The following POTEM variants were observed in gnomAD, a reference collection of about 807,000 sequenced individuals.
The protein encoded by POTEM is POTE ankyrin domain family member M.
For missense variants in POTEM, 24 were observed against 343.0 expected (o/e 0.07, Z 7.35); for synonymous variants, 8 against 113.2 (o/e 0.07, Z 5.90).
intron 1 of POTEM, among the ~76,000 whole-genome samples, chr14:18,969,321 A>ATATATATG (rs1890847932): frequency 9.7e-6 from 1 of 103,448 alleles, no homozygotes; most frequent in Non-Finnish European, 1.8e-5. Flanking sequence ...ATATATGTAT[A>ATATATATG]TATATATATA....
At chr14:18,968,235 A>G (rs1890809104) in intron 1 of POTEM, among the ~76,000 whole-genome samples, 1 of 152,390 alleles carries the variant, frequency 6.6e-6, no homozygotes, top group Non-Finnish European at 1.5e-5. Flanking sequence ...TAGAACACTA[A>G]TAGACTGTTT....
intron 1 of POTEM, among the ~76,000 whole-genome samples, chr14:18,968,397 A>G (rs1374592510): frequency 6.6e-6 from 1 of 152,294 alleles, no homozygotes; most frequent in African/African-American, 2.4e-5. Context: ...TATTCTTCAA[A>G]TAAAATCCAG....
intron 3 of POTEM, 80 bp from the exon 4 acceptor site, chr14:18,975,969 C>CT: frequency 2.1e-5 from 2 of 94,564 alleles, no homozygotes; most frequent in Non-Finnish European, 4.9e-5. Flanking sequence ...TCCATAAGAT[C>CT]TTATATAAAG....
chr14:18,975,766 T>TA (rs1385977817), intron 3 of POTEM, among the ~76,000 whole-genome samples: 1 of 64,416 alleles, frequency 1.6e-5, no homozygotes, highest in Non-Finnish European at 3.4e-5. Context: ...CATCCAATAA[T>TA]ACCATATCAA....
At chr14:18,969,278 T>C (rs1890841140) in intron 1 of POTEM, among the ~76,000 whole-genome samples, 2 of 131,178 alleles carry the variant, frequency 1.5e-5, no homozygotes, top group African/African-American at 6.1e-5. Flanking sequence ...TATGCAGATA[T>C]ATATACACAT....
At chr14:18,980,542 G>C (rs796926497) in intron 6 of POTEM, 2,507 of 76,134 alleles carry the variant, frequency 0.033, 12 homozygotes, top group Middle Eastern at 0.073. Flanking sequence ...ACTGATCTGA[G>C]TGGAGGCAGA....
At chr14:18,978,522 TTTC>T (rs1428875445) in intron 5 of POTEM, 1 of 35,680 alleles carries the variant, frequency 2.8e-5, no homozygotes, top group Non-Finnish European at 5.2e-5. Flanking sequence ...TCAGTGTTTG[TTTC>T]TTCTTCTTTG....
chr14:18,977,280 T>G (rs1890982273), intron 4 of POTEM, 186 bp from the exon 5 acceptor site: 1 of 1,237,818 alleles, frequency 8.1e-7, no homozygotes, highest in African/African-American at 1.6e-5. Flanking sequence ...TTTTTTTTTT[T>G]TGTCCCTTCC....
chr14:18,985,732 C>T (rs1395509313), intron 7 of POTEM, among the ~76,000 whole-genome samples: 1,034 of 133,922 alleles, frequency 7.7e-3, no homozygotes, highest in African/African-American at 0.029. Context: ...GATGAAACCC[C>T]GTCTCTACTA....
rs1166821749 is a variant in POTEM, at chr14:18,970,751, AT to A, written c.522-2007del. Among the ~76,000 whole-genome samples, 2 of 54,246 alleles carry A rather than the reference AT, an allele frequency of 3.7e-5. 1 individual carries two copies. Among genetic ancestry groups the A allele is most frequent in the Non-Finnish European group, 7.2e-5 (2 of 27,932 alleles). The allele number at this position is 54,246 out of a possible 152,430, so 35.6% of individuals were successfully genotyped here. On this transcript the variant is annotated intron_variant, in intron 1 of 10. Transcript: ENST00000547889. ...AGATGCAAATAATTTCTCACATTCT[AT>A]TATTTATTTTTATTTCTGTGGTTGG...
At chr14:18,992,683 A>G (rs1319988442) in intron 9 of POTEM, among the ~76,000 whole-genome samples, 82 of 42,462 alleles carry the variant, frequency 1.9e-3, no homozygotes, top group South Asian at 8.9e-3. Flanking sequence ...ATTCTCACTT[A>G]AAAAGTGTTT....
chr14:18,995,204 T>G, intron 9 of POTEM, among the ~76,000 whole-genome samples: 1 of 85,880 alleles, frequency 1.2e-5, no homozygotes, highest in East Asian at 2.7e-4. Context: ...TTATTTTCAT[T>G]TTTGTTGCAT....
intron 6 of POTEM, among the ~76,000 whole-genome samples, chr14:18,980,895 CT>C (rs1891064240): frequency 1.4e-5 from 2 of 143,398 alleles, no homozygotes; most frequent in Non-Finnish European, 3.0e-5. Flanking sequence ...CTTCTACCTG[CT>C]GGTTAATTGT....
At chr14:18,969,290 T>G (rs559161146) in intron 1 of POTEM, among the ~76,000 whole-genome samples, 6 of 115,856 alleles carry the variant, frequency 5.2e-5, no homozygotes. Flanking sequence ...TATACACATG[T>G]ATATATATGT....
At chr14:18,975,191 G>A (rs1374702607) in intron 3 of POTEM, among the ~76,000 whole-genome samples, 2 of 88,716 alleles carry the variant, frequency 2.3e-5, no homozygotes, top group Non-Finnish European at 4.5e-5. Flanking sequence ...TTTGCTGTGA[G>A]CAGTCTTTCA....
At chr14:18,996,504 G>A (rs375689269) in intron 9 of POTEM, among the ~76,000 whole-genome samples, 26 of 127,064 alleles carry the variant, frequency 2.0e-4, no homozygotes, top group African/African-American at 5.5e-4. Flanking sequence ...TCTGTCGCTC[G>A]CATTACCACC....
In POTEM at chr14:18,999,479, C is replaced by T. The variant is rs80150284; in HGVS notation, c.*814C>T. 3.9e-5 allele frequency among the ~76,000 whole-genome samples: 4 copies of T among 103,458 alleles called. No individual in the cohort carries two copies. The highest frequency in any genetic ancestry group is 1.3e-4 in the African/African-American group (4 of 30,238). 67.9% of individuals were successfully genotyped at this position (103,458 alleles called of 152,430 possible). A position where few individuals can be genotyped will look rare whatever the true frequency, so the allele number is the denominator to read the frequency against. On this transcript the variant is annotated 3_prime_UTR_variant, in exon 11 of 11. Transcript: ENST00000547889. ...GTGGCTATAGTTTCACCACCATGGC[C>T]GAGCAGGAAATCGTGCGTGACATCA...
rs1891318376 is a variant in POTEM at position 18,997,074 on chromosome 14, TGAA to T, written c.1447_1449del (p.Glu483del). ...AAAATGATACTCAGAAGCAACTTTC[TGAA>T]GAACAGAACACTGGAATATTACAAG... On this transcript the variant is annotated inframe_deletion, in exon 10 of 11. Coordinates refer to ENST00000547889, the MANE Select transcript of POTEM (RefSeq NM_001145442.1). 1 of 678,966 alleles carries T rather than the reference TGAA, an allele frequency of 1.5e-6. No homozygotes were observed. Among genetic ancestry groups the T allele is most frequent in the South Asian group, 1.6e-5 (1 of 63,326 alleles). 42.1% of individuals were successfully genotyped at this position (678,966 alleles called of 1,614,324 possible).
At chr14:18,993,024 G>A (rs1891263427) in intron 9 of POTEM, among the ~76,000 whole-genome samples, 1 of 68,716 alleles carries the variant, frequency 1.5e-5, no homozygotes, top group Non-Finnish European at 2.9e-5. Context: ...AGCCACCTGA[G>A]GAGATGGGAT....
Sources: gnomAD v4.1 joint callset for allele counts (sites outside exome capture counted in the v4.1 genomes callset) on GRCh38, gnomAD v4.1.1 for gene constraint, MANE v1.5 for transcripts, NCBI Gene and HGNC (gene_info 2026-07-23, HGNC 2026-07-21) for gene names.